GPC5: variants seen among roughly 807,000 people sequenced by gnomAD.
GPC5 encodes the protein glypican 5, also known as glypican-5.
A neutral mutation model predicts 53.9 loss-of-function variants in GPC5; 47 were observed. The observed-to-expected ratio is 0.87, with a 90% confidence interval of 0.69 to 1.11. The LOEUF is 1.11. Among genes scored for constraint, GPC5 ranks in the 50% most tolerant of loss-of-function variants. The probability of loss-of-function intolerance (pLI) is 0.00; values close to 1 mark genes in which losing one functional copy is unlikely to be tolerated. For synonymous variants in GPC5, 286 were observed against 263.3 expected (o/e 1.09, Z -0.84); for missense variants, 748 against 713.1 (o/e 1.05, Z -0.56).
Position 91,942,180 on chromosome 13 carries a change from A to G in GPC5, c.1401+34123A>G, listed in dbSNP as rs187209596. The stretch of plus-strand genomic sequence containing the variant: ...TTATATTGTTGGTCTTATTTATGTA[A>G]GCTTCAATTTACCCTTTTCTTTAAG... On this transcript the variant is annotated intron_variant, in intron 6 of 7. Coordinates refer to ENST00000377067, the MANE Select transcript of GPC5 (RefSeq NM_004466.6). Among the ~76,000 whole-genome samples, 223 of 152,200 alleles carry G rather than the reference A, an allele frequency of 1.5e-3. 1 individual carries two copies. The Middle Eastern group carries it at 0.054, about 37-fold the overall frequency.
intron 5 of GPC5, among the ~76,000 whole-genome samples, chr13:91,813,475 C>A (rs1383908236): frequency 3.9e-5 from 6 of 152,206 alleles, no homozygotes; most frequent in African/African-American, 1.2e-4. Context: ...AACCTCCAGA[C>A]CTCACTAAAG....
intron 7 of GPC5, among the ~76,000 whole-genome samples, chr13:92,767,690 T>C (rs1194150870): frequency 6.6e-6 from 1 of 152,202 alleles, no homozygotes; most frequent in African/African-American, 2.4e-5. Context: ...AGGTTTACTC[T>C]TTATTCTTTC....
intron 2 of GPC5, among the ~76,000 whole-genome samples, chr13:91,637,781 A>T (rs1232708248): frequency 6.6e-6 from 1 of 152,210 alleles, no homozygotes; most frequent in Non-Finnish European, 1.5e-5. Context: ...TGACCTACAA[A>T]AATGAAGTTT....
intron 6 of GPC5, among the ~76,000 whole-genome samples, chr13:92,132,682 A>G (rs1322015873): frequency 6.6e-6 from 1 of 152,006 alleles, no homozygotes; most frequent in Non-Finnish European, 1.5e-5. Flanking sequence ...ATTAGGGCCC[A>G]CCCTAATGAT....
chr13:91,437,335 C>G (rs934292529), intron 1 of GPC5, among the ~76,000 whole-genome samples: 8 of 152,262 alleles, frequency 5.3e-5, no homozygotes, highest in Non-Finnish European at 8.8e-5. Flanking sequence ...CCAATTGTTC[C>G]TTTCCATGTT....
At chr13:92,626,964 C>T (rs1006713338) in intron 7 of GPC5, among the ~76,000 whole-genome samples, 1 of 151,896 alleles carries the variant, frequency 6.6e-6, no homozygotes, top group Admixed American at 6.6e-5. Flanking sequence ...TTATGTTTTC[C>T]TCTTACAGAA....
chr13:92,676,290 G>A (rs1247598765), intron 7 of GPC5, among the ~76,000 whole-genome samples: 1 of 152,058 alleles, frequency 6.6e-6, no homozygotes, highest in Non-Finnish European at 1.5e-5. Context: ...TCATTTGTAA[G>A]CCTGCAGACA....
intron 7 of GPC5, among the ~76,000 whole-genome samples, chr13:92,864,133 A>T (rs1879270662): frequency 6.6e-6 from 1 of 152,162 alleles, no homozygotes; most frequent in Non-Finnish European, 1.5e-5. Flanking sequence ...TGGCATGCTA[A>T]TGTCTTTTTA....
At chr13:91,428,250 A>T (rs922461950) in intron 1 of GPC5, among the ~76,000 whole-genome samples, 4 of 152,162 alleles carry the variant, frequency 2.6e-5, no homozygotes, top group Non-Finnish European at 5.9e-5. Context: ...CTGGAGAGTG[A>T]GTAAGGCAGA....
At chr13:92,657,996 A>G (rs1886198869) in intron 7 of GPC5, among the ~76,000 whole-genome samples, 1 of 152,176 alleles carries the variant, frequency 6.6e-6, no homozygotes, top group Non-Finnish European at 1.5e-5. Context: ...TGAAAACTCT[A>G]AAACTACCTA....
At chr13:92,246,763 A>T (rs2042654168) in intron 7 of GPC5, among the ~76,000 whole-genome samples, 1 of 152,100 alleles carries the variant, frequency 6.6e-6, no homozygotes, top group African/African-American at 2.4e-5. Context: ...AATATATCAA[A>T]TGTTCTGTTA....
intron 7 of GPC5, among the ~76,000 whole-genome samples, chr13:92,228,502 C>T (rs190980510): frequency 6.6e-6 from 1 of 151,908 alleles, no homozygotes; most frequent in African/African-American, 2.4e-5. Flanking sequence ...CACGAATTAT[C>T]TAGGAAATAC....
At chr13:92,732,818 C>T (rs1265724285) in intron 7 of GPC5, among the ~76,000 whole-genome samples, 3 of 151,654 alleles carry the variant, frequency 2.0e-5, no homozygotes, top group South Asian at 2.1e-4. Context: ...CTTTTCATAA[C>T]TCACTGGCTT....
chr13:92,521,576 G>A (rs1450267154), intron 7 of GPC5, among the ~76,000 whole-genome samples: 2 of 152,222 alleles, frequency 1.3e-5, no homozygotes. Context: ...CTAGTCATAT[G>A]TAGAAAGCTG....
At chr13:91,970,101 A>G (rs1257384703) in intron 6 of GPC5, among the ~76,000 whole-genome samples, 1 of 152,100 alleles carries the variant, frequency 6.6e-6, no homozygotes, top group East Asian at 1.9e-4. Context: ...AAAGAGGGAA[A>G]TTTTGCCTTC....
At chr13:91,908,239 G>A (rs1437006224) in intron 6 of GPC5, among the ~76,000 whole-genome samples, 182 bp downstream of exon 6, 1 of 152,074 alleles carries the variant, frequency 6.6e-6, no homozygotes, top group Admixed American at 6.6e-5. Context: ...CAGTCAATAT[G>A]CAGTGATATT....
At chr13:92,850,058 G>A (rs1478159221) in intron 7 of GPC5, among the ~76,000 whole-genome samples, 1 of 152,074 alleles carries the variant, frequency 6.6e-6, no homozygotes, top group East Asian at 1.9e-4. Context: ...GTGACAGATT[G>A]ATCAGACACA....
chr13:92,161,540 A>G (rs1331137641), intron 7 of GPC5, among the ~76,000 whole-genome samples: 1 of 152,204 alleles, frequency 6.6e-6, no homozygotes, highest in Non-Finnish European at 1.5e-5. Context: ...TGTATATTCA[A>G]AAGATCAAAA....
intron 7 of GPC5, among the ~76,000 whole-genome samples, chr13:92,636,285 G>C (rs1343308876): frequency 6.6e-6 from 1 of 152,132 alleles, no homozygotes; most frequent in Non-Finnish European, 1.5e-5. Context: ...AGTAGATATA[G>C]TGAAAATTCT....
Sources: allele counts gnomAD v4.1 joint callset (sites outside exome capture counted in the v4.1 genomes callset), GRCh38; gene constraint gnomAD v4.1.1; transcripts MANE v1.5; gene names NCBI Gene and HGNC (gene_info 2026-07-23, HGNC 2026-07-21).